CNTNAP2: variants seen among roughly 807,000 people sequenced by gnomAD.
The protein encoded by CNTNAP2 is contactin associated protein 2, also known as contactin-associated protein-like 2.
A neutral mutation model predicts 155.2 loss-of-function variants in CNTNAP2; 98 were observed. That is an observed-to-expected ratio of 0.63 (90% CI 0.54 to 0.75). The LOEUF is 0.75. CNTNAP2 is among the 30% of genes least tolerant of loss of function. The pLI is 0.00. For synonymous variants in CNTNAP2, 651 were observed against 631.2 expected, an observed-to-expected ratio of 1.03 and a Z score of -0.47; for missense variants, 1,727 against 1,688.1, an observed-to-expected ratio of 1.02 and a Z score of -0.40.
intron 1 of CNTNAP2, among the ~76,000 whole-genome samples, chr7:146,301,541 G>A (rs879584678): frequency 2.0e-5 from 3 of 152,098 alleles, no homozygotes; most frequent in South Asian, 2.1e-4. Context: ...CAGGAGAATG[G>A]TGTGAACCCG....
At chr7:146,554,939 A>G (rs759666267) in intron 1 of CNTNAP2, among the ~76,000 whole-genome samples, 4 of 152,170 alleles carry the variant, frequency 2.6e-5, no homozygotes, top group Non-Finnish European at 5.9e-5. Context: ...CCTCATAATC[A>G]TCCTGAGATC....
At chr7:146,872,240 T>C (rs533533148) in intron 3 of CNTNAP2, among the ~76,000 whole-genome samples, 186 of 146,228 alleles carry the variant, frequency 1.3e-3, no homozygotes, top group Non-Finnish European at 2.0e-3. Flanking sequence ...TGAAAACAGA[T>C]ATCACAAGAA....
At chr7:146,894,863 A>G (rs936719727) in intron 3 of CNTNAP2, among the ~76,000 whole-genome samples, 3 of 152,172 alleles carry the variant, frequency 2.0e-5, no homozygotes, top group African/African-American at 4.8e-5. Flanking sequence ...AGAATATTTA[A>G]TAATTGAGTG....
intron 13 of CNTNAP2, among the ~76,000 whole-genome samples, chr7:147,727,027 A>G (rs997146991): frequency 1.3e-4 from 20 of 150,122 alleles, no homozygotes; most frequent in Admixed American, 7.3e-4. Context: ...ATATGTGTGT[A>G]TATATATATA....
intron 1 of CNTNAP2, among the ~76,000 whole-genome samples, chr7:146,416,026 AT>A (rs1795933463): frequency 6.6e-6 from 1 of 151,986 alleles, no homozygotes; most frequent in South Asian, 2.1e-4. Context: ...CACATAAAAA[AT>A]ATTTGAGTTA....
chr7:147,446,280 C>T (rs568236219), intron 10 of CNTNAP2, among the ~76,000 whole-genome samples: 1 of 151,938 alleles, frequency 6.6e-6, no homozygotes, highest in African/African-American at 2.4e-5. Flanking sequence ...TCCTTCCTAA[C>T]ATCCTTTTTA....
At chr7:146,956,336 A>G (rs1222882800) in intron 3 of CNTNAP2, among the ~76,000 whole-genome samples, 2 of 152,158 alleles carry the variant, frequency 1.3e-5, no homozygotes, top group Non-Finnish European at 2.9e-5. Flanking sequence ...CAAAAAAGCC[A>G]TCAAGTTGCA....
chr7:148,012,712 C>T (rs760685616), intron 15 of CNTNAP2, among the ~76,000 whole-genome samples: 2 of 152,234 alleles, frequency 1.3e-5, no homozygotes, highest in Non-Finnish European at 2.9e-5. Context: ...TCCTCACTCT[C>T]ATTTAATTAT....
chr7:147,632,214 C>T (rs1795097784), intron 12 of CNTNAP2, among the ~76,000 whole-genome samples: 1 of 152,116 alleles, frequency 6.6e-6, no homozygotes, highest in Admixed American at 6.6e-5. Context: ...GGACAACAAA[C>T]ATATGAAAAC....
chr7:148,187,294 T>C (rs143473800), intron 18 of CNTNAP2, among the ~76,000 whole-genome samples: 1 of 152,262 alleles, frequency 6.6e-6, no homozygotes, highest in African/African-American at 2.4e-5. Context: ...TCTGAATATA[T>C]GAGGAGAGGA....
Position 146,839,700 on chromosome 7 carries a change from C to T in CNTNAP2, c.209-11C>T, listed in dbSNP as rs369056998. The T allele has an allele frequency of 6.7e-5, 108 of 1,613,944 alleles. No homozygotes were observed. Among genetic ancestry groups the T allele is most frequent in the Non-Finnish European group, 8.2e-5 (97 of 1,179,920 alleles). ...TATTCATTTTCCCATCTTACCTCTG[C>T]CCATCTTCAGGTGCTGGGGGATGGT... On this transcript the variant is annotated splice_polypyrimidine_tract_variant and intron_variant, in intron 2 of 23. Transcript: ENST00000361727.
intron 16 of CNTNAP2, among the ~76,000 whole-genome samples, chr7:148,119,393 G>T (rs938509415): frequency 1.3e-5 from 2 of 151,872 alleles, no homozygotes; most frequent in Non-Finnish European, 2.9e-5. Context: ...AGCCAGGTGT[G>T]GTGGCGGGGG....
chr7:148,227,128 G>A (rs1367005049), intron 19 of CNTNAP2, among the ~76,000 whole-genome samples: 2 of 152,154 alleles, frequency 1.3e-5, no homozygotes, highest in East Asian at 3.9e-4. Context: ...CAAAACGAGG[G>A]GAAAAACAGG....
At chr7:148,101,812 A>G (rs1201690227) in intron 15 of CNTNAP2, among the ~76,000 whole-genome samples, 7 of 152,266 alleles carry the variant, frequency 4.6e-5, no homozygotes, top group Admixed American at 3.3e-4. Flanking sequence ...CGTAACCCAC[A>G]GCACCATGCT....
chr7:146,444,760 C>T (rs571290741), intron 1 of CNTNAP2, among the ~76,000 whole-genome samples: 2 of 151,538 alleles, frequency 1.3e-5, no homozygotes, highest in South Asian at 2.1e-4. Flanking sequence ...CAGGTTCAAG[C>T]GATTCTCCTC....
rs149473589 is a variant in CNTNAP2, at chr7:146,785,917, C to T, written c.208+11536C>T. ...TTTTGGGTAACAGAATACATTGTAT[C>T]GGTCCTTAACACTGTATCTGGCTCA... On this transcript the variant is annotated intron_variant, in intron 2 of 23. Transcript: ENST00000361727. Among the ~76,000 whole-genome samples, 11 of 152,268 alleles carry T rather than the reference C, an allele frequency of 7.2e-5. No individual in the cohort carries two copies. In the East Asian group the frequency reaches 7.7e-4, roughly 11 times the overall value.
At chr7:148,233,836 G>A (rs546460052) in intron 20 of CNTNAP2, among the ~76,000 whole-genome samples, 2 of 152,308 alleles carry the variant, frequency 1.3e-5, no homozygotes, top group South Asian at 2.1e-4. Flanking sequence ...CTTGGTGGGA[G>A]GTGATTGGAC....
intron 13 of CNTNAP2, among the ~76,000 whole-genome samples, chr7:147,902,996 T>C (rs559328361): frequency 1.3e-5 from 2 of 150,520 alleles, no homozygotes; most frequent in South Asian, 4.2e-4. Flanking sequence ...TATCCATTTG[T>C]GGGACTGCTG....
Position 147,736,214 on chromosome 7 carries a change from C to T in CNTNAP2, c.2098+96908C>T, listed in dbSNP as rs527560065. 1.1e-4 allele frequency among the ~76,000 whole-genome samples: 16 copies of T among 151,896 alleles called. No individual in the cohort carries two copies. In the East Asian group the frequency reaches 2.9e-3, roughly 28 times the overall value. On this transcript the variant is annotated intron_variant, in intron 13 of 23. Transcript: ENST00000361727. ...CTTCAGGAGCTCTTTTAGGGCAGGC[C>T]TGGTGGTGACAAAATCTCTCAGCAT...
Sources: gnomAD v4.1 joint callset for allele counts (sites outside exome capture counted in the v4.1 genomes callset) on GRCh38, gnomAD v4.1.1 for gene constraint, MANE v1.5 for transcripts, NCBI Gene and HGNC (gene_info 2026-07-23, HGNC 2026-07-21) for gene names.